Variants in GALNT9 observed in about 807,000 individuals in gnomAD.
GALNT9 encodes GalNAc transferase 9.
A neutral mutation model predicts 63.1 loss-of-function variants in GALNT9; 47 were observed. The ratio of observed to expected loss-of-function variants is 0.75; its 90% CI spans 0.59 to 0.95. The LOEUF (loss-of-function observed/expected upper bound fraction) is 0.95, where lower values mean the gene tolerates loss of function less well. GALNT9 is among the 40% of genes least tolerant of loss of function. The pLI is 0.00. For synonymous variants in GALNT9, 396 were observed against 365.7 expected, an observed-to-expected ratio of 1.08 and a Z score of -0.94; for missense variants, 829 against 874.8, an observed-to-expected ratio of 0.95 and a Z score of 0.66.
chr12:132,256,655 TGGA>T (rs1879128924), intron 5 of GALNT9, among the ~76,000 whole-genome samples: 1 of 33,062 alleles, frequency 3.0e-5, no homozygotes, highest in Non-Finnish European at 5.5e-5. Context: ...AGGGGGACAC[TGGA>T]GGGGGGACGC....
intron 1 of GALNT9, among the ~76,000 whole-genome samples, chr12:132,321,303 G>A (rs544351689): frequency 5.9e-5 from 9 of 152,230 alleles, no homozygotes; most frequent in East Asian, 1.9e-4. Context: ...CAGCTGCTCC[G>A]GAGACCTTGG....
At chr12:132,305,191 A>G (rs1277779452) in intron 1 of GALNT9, among the ~76,000 whole-genome samples, 1 of 34,742 alleles carries the variant, frequency 2.9e-5, no homozygotes, top group Non-Finnish European at 4.7e-5. Context: ...ACGCTCACCC[A>G]GACACACCCT....
In GALNT9 at chr12:132,316,257, G is replaced by C. The variant is rs968732507; in HGVS notation, c.238+12709C>G. Among the ~76,000 whole-genome samples, 1 of 152,064 alleles carries C rather than the reference G, an allele frequency of 6.6e-6. No homozygotes were observed. The highest frequency in any genetic ancestry group is 1.5e-5 in the Non-Finnish European group (1 of 68,000). Reference sequence around the variant, plus strand: ...CTGCCCCGGGCCCCGACCTGCAAAGGGGGGTGCCATGATTCTCTACCATAC... The same window carrying C: ...CTGCCCCGGGCCCCGACCTGCAAAGCGGGGTGCCATGATTCTCTACCATAC... On this transcript the variant is annotated intron_variant, in intron 1 of 10. Transcript: ENST00000328957. This position sits in a 1 kb window ranked among gnomAD's most constrained non-coding sequence, Gnocchi z 4.3.
chr12:132,223,308 CCA>C (rs1877549020), intron 6 of GALNT9, among the ~76,000 whole-genome samples: 2 of 72,760 alleles, frequency 2.7e-5, no homozygotes, highest in African/African-American at 5.5e-5. Flanking sequence ...CCCACACAAC[CCA>C]CACCCCACAT....
At chr12:132,222,842 C>T (rs952719970) in intron 6 of GALNT9, among the ~76,000 whole-genome samples, 11 of 150,760 alleles carry the variant, frequency 7.3e-5, no homozygotes, top group South Asian at 4.2e-4. Flanking sequence ...CTACACAACC[C>T]GCACACCACA....
chr12:132,203,483 T>TCCCGGCC, intron 7 of GALNT9, 22 bp downstream of exon 7: 2 of 1,612,026 alleles, frequency 1.2e-6, no homozygotes, highest in Non-Finnish European at 1.7e-6. Flanking sequence ...TGGCCCCGGC[T>TCCCGGCC]CCCGGCCTGT....
At chr12:132,328,024 C>A (rs141786819) in intron 1 of GALNT9, among the ~76,000 whole-genome samples, 10 of 152,314 alleles carry the variant, frequency 6.6e-5, no homozygotes, top group Non-Finnish European at 1.3e-4. Context: ...AAGGCAGAAG[C>A]CTGAATCATC....
intron 9 of GALNT9, among the ~76,000 whole-genome samples, 170 bp downstream of exon 9, chr12:132,199,004 G>T (rs982353204): frequency 6.6e-6 from 1 of 152,042 alleles, no homozygotes; most frequent in East Asian, 2.0e-4. Flanking sequence ...GGCGGGCTGG[G>T]AGGCCTCTTC....
intron 6 of GALNT9, among the ~76,000 whole-genome samples, chr12:132,220,492 A>G (rs73166873): frequency 0.95 from 145,401 of 152,336 alleles, 69,418 homozygotes; most frequent in East Asian, 1. Context: ...AAAAATACCC[A>G]TGGAAGAAAG....
chr12:132,303,225 C>G (rs1300770662), intron 1 of GALNT9, among the ~76,000 whole-genome samples: 1 of 151,954 alleles, frequency 6.6e-6, no homozygotes, highest in African/African-American at 2.4e-5. Flanking sequence ...TGGGCAGGCG[C>G]CCTGAGTGGA....
intron 4 of GALNT9, among the ~76,000 whole-genome samples, chr12:132,258,512 G>A (rs1223051209): frequency 3.3e-5 from 5 of 152,204 alleles, no homozygotes; most frequent in African/African-American, 7.2e-5. Flanking sequence ...ATAAGCAGTC[G>A]TGGATGTTGT....
rs1881775364 is a variant in GALNT9, at chr12:132,310,494, A to T, written c.238+18472T>A. On this transcript the variant is annotated intron_variant, in intron 1 of 10. Coordinates refer to ENST00000328957, the MANE Select transcript of GALNT9 (RefSeq NM_001122636.2). This position sits in a 1 kb window ranked among gnomAD's most constrained non-coding sequence, Gnocchi z 4.8. ...CTGAGAGCCCTCCGGGAAAGCAGGC[A>T]TTTCTGCCGGCTTCCTCTGTGTCCC... Among the ~76,000 whole-genome samples the T allele has an allele frequency of 1.3e-5, 2 of 152,072 alleles. No homozygotes were observed. Among genetic ancestry groups the T allele is most frequent in the Admixed American group, 1.3e-4 (2 of 15,258 alleles).
chr12:132,264,668 T>C (rs185443723), intron 2 of GALNT9, among the ~76,000 whole-genome samples: 5 of 152,306 alleles, frequency 3.3e-5, no homozygotes, highest in African/African-American at 9.6e-5. Flanking sequence ...AGGAAAAGCA[T>C]CCCTGTGTCT....
intron 1 of GALNT9, among the ~76,000 whole-genome samples, chr12:132,304,381 A>ACCCTCACCCAGACACG (rs1593116523): frequency 4.1e-4 from 29 of 70,184 alleles, no homozygotes; most frequent in East Asian, 7.4e-4. Flanking sequence ...ACCCGGGCAC[A>ACCCTCACCCAGACACG]CCCTCACCGG....
chr12:132,312,088 G>A (rs1467161009), intron 1 of GALNT9, among the ~76,000 whole-genome samples: 1 of 152,056 alleles, frequency 6.6e-6, no homozygotes, highest in Non-Finnish European at 1.5e-5. Flanking sequence ...AGATTACCTG[G>A]GGACCCAAAC....
rs2136898003 is a variant in GALNT9, at chr12:132,240,287, G to A, written c.1077+7623C>T. ...CGCCGCCATCGGGCTGGGGGTCACC[G>A]TGCCCCTCCCTGTAGCCCCGGCCCG... On this transcript the variant is annotated intron_variant, in intron 6 of 10. Transcript: ENST00000328957. Among the ~76,000 whole-genome samples the A allele has an allele frequency of 2.6e-5, 4 of 152,250 alleles. No homozygotes were observed. The East Asian group carries it at 7.7e-4, about 29-fold the overall frequency.
rs1555238144 is a variant in GALNT9 at position 132,247,723 on chromosome 12, C to T, written c.1077+187G>A. The T allele has an allele frequency of 1.2e-5, 12 of 985,580 alleles. No homozygotes were observed. In the East Asian group the frequency reaches 1.2e-4, roughly 10 times the overall value. The allele number at this position is 985,580 out of a possible 1,614,324, so 61.1% of individuals were successfully genotyped here. A position where few individuals can be genotyped will look rare whatever the true frequency, so the allele number is the denominator to read the frequency against. The stretch of plus-strand genomic sequence containing the variant: ...ACCCCGTCCCCAGACACCGCGGCCT[C>T]ACTCGCCCTCACCCCGTCCCCAGAT... On this transcript the variant is annotated intron_variant, in intron 6 of 10. Transcript: ENST00000328957.
chr12:132,226,056 C>T (rs1877667251), intron 6 of GALNT9, among the ~76,000 whole-genome samples: 1 of 146,964 alleles, frequency 6.8e-6, no homozygotes, highest in Non-Finnish European at 1.5e-5. Context: ...ACACACACCC[C>T]ACACTGTACA....
intron 6 of GALNT9, among the ~76,000 whole-genome samples, chr12:132,243,850 G>A (rs1878580805): frequency 6.6e-6 from 1 of 152,074 alleles, no homozygotes; most frequent in African/African-American, 2.4e-5. Context: ...TCAATCACCG[G>A]CCAATCACCC....
Sources: allele counts gnomAD v4.1 joint callset (sites outside exome capture counted in the v4.1 genomes callset), GRCh38; gene constraint gnomAD v4.1.1; non-coding constraint Gnocchi (gnomAD v3.1); transcripts MANE v1.5; gene names NCBI Gene and HGNC (gene_info 2026-07-23, HGNC 2026-07-21).